Variants in FAM222B observed in about 807,000 individuals in gnomAD.
FAM222B encodes protein FAM222B.
In FAM222B, 12 loss-of-function variants were observed where a neutral mutation model predicts 38.0. The observed-to-expected ratio is 0.32, with a 90% confidence interval of 0.20 to 0.51. The LOEUF is 0.51. Among genes scored for constraint, FAM222B ranks in the 20% least tolerant of loss-of-function variants. The probability of loss-of-function intolerance (pLI) is 0.97; values close to 1 mark genes in which losing one functional copy is unlikely to be tolerated. For missense variants in FAM222B, 716 were observed against 754.2 expected (o/e 0.95, Z 0.59); for synonymous variants, 329 against 317.2 (o/e 1.04, Z -0.40).
intron 1 of FAM222B, among the ~76,000 whole-genome samples, chr17:28,813,935 C>T (rs2037914876): frequency 1.3e-5 from 2 of 151,712 alleles, no homozygotes; most frequent in African/African-American, 2.4e-5. Flanking sequence ...ACTGGCCGGG[C>T]GCGGTGTGTC....
intron 1 of FAM222B, among the ~76,000 whole-genome samples, chr17:28,786,326 A>G (rs967857956): frequency 2.0e-5 from 3 of 152,214 alleles, no homozygotes; most frequent in Non-Finnish European, 4.4e-5. Context: ...AGCAAGGTAA[A>G]TCCGCTGGGA....
At chr17:28,808,214 A>G (rs2037581786) in intron 1 of FAM222B, among the ~76,000 whole-genome samples, 1 of 152,250 alleles carries the variant, frequency 6.6e-6, no homozygotes, top group African/African-American at 2.4e-5. Flanking sequence ...CAAAACCAAA[A>G]TAATCAAACA....
At chr17:28,830,091 C>T (rs560504546) in intron 1 of FAM222B, among the ~76,000 whole-genome samples, 1 of 151,622 alleles carries the variant, frequency 6.6e-6, no homozygotes, top group Non-Finnish European at 1.5e-5. Context: ...CCTCGTGATC[C>T]ACCCACCTCG....
upstream of FAM222B, among the ~76,000 whole-genome samples, chr17:28,846,955 G>A (rs1212104495): frequency 6.6e-6 from 1 of 152,058 alleles, no homozygotes; most frequent in Non-Finnish European, 1.5e-5. Flanking sequence ...TGGGCGTGGT[G>A]GCTGACGCCT....
chr17:28,776,090 A>C (rs1443716568), intron 1 of FAM222B, among the ~76,000 whole-genome samples: 2 of 144,856 alleles, frequency 1.4e-5, no homozygotes, highest in Non-Finnish European at 3.0e-5. Flanking sequence ...AAAAAAAAAG[A>C]AAAAAAAAAG....
intron 2 of FAM222B, among the ~76,000 whole-genome samples, chr17:28,766,356 A>G (rs1380210105): frequency 6.6e-6 from 1 of 152,100 alleles, no homozygotes; most frequent in Admixed American, 6.6e-5. Flanking sequence ...CGGGAGGCTG[A>G]AGCAAGAGAA....
rs35918064 is a variant in FAM222B, at chr17:28,769,174, C to CTTTTTTTTTTTTTT, written c.-40-2481_-40-2468dup. 4.8e-5 allele frequency among the ~76,000 whole-genome samples: 4 copies of CTTTTTTTTTTTTTT among 82,542 alleles called. 1 individual carries two copies. Among genetic ancestry groups the CTTTTTTTTTTTTTT allele is most frequent in the Admixed American group, 1.8e-4 (1 of 5,524 alleles). The allele number at this position is 82,542 out of a possible 152,430, so 54.2% of individuals were successfully genotyped here. Reference sequence around the variant, plus strand: ...TATTCTCTATTCAGCAATGTTAGTTCTTTTTTTTTTTTTTTTTTTTTTTGA... The same window carrying CTTTTTTTTTTTTTT: ...TATTCTCTATTCAGCAATGTTAGTTCTTTTTTTTTTTTTTTTTTTTTTTTTTTTTTTTTTTTTGA... On this transcript the variant is annotated intron_variant, in intron 1 of 2. Coordinates refer to ENST00000581407, the MANE Select transcript of FAM222B (RefSeq NM_001077498.3).
At position 28,850,729 on chromosome 17, in the gene FAM222B, C is replaced by T. The variant is rs148201026; in HGVS notation, c.-41+4221G>A. 5.6e-3 allele frequency among the ~76,000 whole-genome samples: 854 copies of T among 152,222 alleles called. 10 individuals carry two copies. Among genetic ancestry groups the T allele is most frequent in the Non-Finnish European group, 9.5e-3 (644 of 68,020 alleles). ...TGTTTGCCTATTTTCTTCTGTCTGT[C>T]GGTTTTTGTTGTTTTCATCATTGTG... is the stretch of plus-strand genomic sequence containing the variant. On this transcript the variant is annotated intron_variant, in intron 1 of 2. Coordinates refer to the FAM222B transcript ENST00000577513.
At chr17:28,809,604 C>T (rs1021969045) in intron 1 of FAM222B, among the ~76,000 whole-genome samples, 2 of 152,104 alleles carry the variant, frequency 1.3e-5, no homozygotes, top group Admixed American at 6.6e-5. Flanking sequence ...TCTTCTGTCT[C>T]CTGGGAAAAT....
Position 28,817,489 on chromosome 17 carries a change from C to G in FAM222B, c.-41+25193G>C, listed in dbSNP as rs574225900. 9.3e-5 allele frequency among the ~76,000 whole-genome samples: 14 copies of G among 150,758 alleles called. No individual in the cohort carries two copies. The East Asian group carries it at 2.6e-3, about 28-fold the overall frequency. On this transcript the variant is annotated intron_variant, in intron 1 of 2. Transcript: ENST00000581407. ...CTGTAATCCCAACACTTTGGGAGGC[C>G]GAGGCTGGACTACCTGAGGTCAGGA... is the stretch of plus-strand genomic sequence containing the variant.
chr17:28,759,867 G>T lies in FAM222B; in HGVS notation c.92C>A (p.Thr31Lys). Residue 31 changes from threonine (T) to lysine (K), a missense_variant, in exon 3 of 3, where the codon ACA (threonine) becomes AAA (lysine). Thr to Lys is a moderately conservative substitution (Grantham distance 78). Coordinates refer to ENST00000581407, the MANE Select transcript of FAM222B (RefSeq NM_001077498.3). The surrounding 1 kb of genome is among the most constrained non-coding windows in gnomAD (Gnocchi z 4.8). ...ATAGTGAGCAGTTCTCATTTTCTGT[G>T]TAGTGTCCCCTAGAGAGAGAGAATG... The part of the protein sequence containing the change: ...MNTGLQKWDT[T>K]QKMRTAHYPT... 1.9e-6 allele frequency: 3 copies of T among 1,539,540 alleles called. No homozygotes were observed. In the South Asian group the frequency reaches 3.7e-5, roughly 19 times the overall value.
intron 1 of FAM222B, 122 bp from the exon 2 acceptor site, chr17:28,766,829 G>C: frequency 1.7e-6 from 1 of 587,992 alleles, no homozygotes; most frequent in Non-Finnish European, 3.0e-6. Flanking sequence ...TTAATTAGCA[G>C]TGTGTTGGTT....
intron 1 of FAM222B, among the ~76,000 whole-genome samples, chr17:28,852,391 C>A (rs551960777): frequency 3.4e-4 from 52 of 151,980 alleles, no homozygotes; most frequent in African/African-American, 1.2e-3. Context: ...CAGTGACTCA[C>A]GCCTGTTATC....
intron 1 of FAM222B, among the ~76,000 whole-genome samples, chr17:28,795,682 C>A (rs757403551): frequency 3.3e-5 from 5 of 152,132 alleles, no homozygotes; most frequent in Non-Finnish European, 7.3e-5. Flanking sequence ...TCCACCTCAT[C>A]CCCCCAAAAT....
chr17:28,801,229 G>A (rs540880447), intron 1 of FAM222B, among the ~76,000 whole-genome samples: 84 of 148,324 alleles, frequency 5.7e-4, no homozygotes, highest in African/African-American at 1.8e-3. Flanking sequence ...CAAGGCGGGC[G>A]GATCACGAGG....
In FAM222B at chr17:28,770,631, C is replaced by T. The variant is rs372519536; in HGVS notation, c.-40-3924G>A. On this transcript the variant is annotated intron_variant, in intron 1 of 2. Coordinates refer to ENST00000581407, the MANE Select transcript of FAM222B (RefSeq NM_001077498.3). The stretch of plus-strand genomic sequence containing the variant: ...TCTCACCCAGGCTGGAGTGCGGTGG[C>T]GCCTTCTCGGCGGCTACAATGCTCC... Among the ~76,000 whole-genome samples the T allele has an allele frequency of 4.2e-4, 63 of 150,550 alleles. No individual in the cohort carries two copies. The South Asian group carries it at 0.012, about 29-fold the overall frequency.
At chr17:28,830,896 A>G (rs2038644670) in intron 1 of FAM222B, among the ~76,000 whole-genome samples, 1 of 151,706 alleles carries the variant, frequency 6.6e-6, no homozygotes, top group African/African-American at 2.4e-5. Flanking sequence ...AATTACATTT[A>G]GGTGTAATTG....
chr17:28,824,456 G>GT (rs1555586332), intron 1 of FAM222B, among the ~76,000 whole-genome samples: 1 of 151,652 alleles, frequency 6.6e-6, no homozygotes. Context: ...AAAGTGCTGG[G>GT]TTACAGGCAT....
At chr17:28,836,874 G>A (rs2038862664) in intron 1 of FAM222B, among the ~76,000 whole-genome samples, 1 of 152,032 alleles carries the variant, frequency 6.6e-6, no homozygotes, top group Non-Finnish European at 1.5e-5. Context: ...CATAAGAGGG[G>A]TGGGCTCCTC....
Sources: gnomAD v4.1 joint callset for allele counts (sites outside exome capture counted in the v4.1 genomes callset) on GRCh38, gnomAD v4.1.1 for gene constraint, Gnocchi (gnomAD v3.1) non-coding constraint, MANE v1.5 for transcripts, NCBI Gene and HGNC (gene_info 2026-07-23, HGNC 2026-07-21) for gene names.